Variants in OR51B5 observed in about 807,000 individuals in gnomAD.
OR51B5 encodes the protein olfactory receptor family 51 subfamily B member 5.
For synonymous variants in OR51B5, 186 were observed against 144.8 expected (o/e 1.28, Z -2.04); for missense variants, 456 against 374.6 (o/e 1.22, Z -1.79).
At chr11:5,423,338 G>A in intron 1 of OR51B5, 9 of 615,282 alleles carry the variant, frequency 1.5e-5, no homozygotes, top group Non-Finnish European at 2.4e-5. Context: ...ATGCAAAAGA[G>A]ATATGGATCT....
At chr11:5,488,872 A>C in intron 1 of OR51B5, 1 of 1,613,996 alleles carries the variant, frequency 6.2e-7, no homozygotes, top group Non-Finnish European at 8.5e-7. Flanking sequence ...TGCCATGGAC[A>C]ATGCTCTTCA....
chr11:5,394,700 A>G (rs2133734383), intron 1 of OR51B5, among the ~76,000 whole-genome samples: 2 of 152,364 alleles, frequency 1.3e-5, no homozygotes, highest in Middle Eastern at 6.8e-3. Flanking sequence ...ATGATAGTGC[A>G]GACATTAGTA....
At chr11:5,361,787 G>C (rs1849289191) in intron 1 of OR51B5, among the ~76,000 whole-genome samples, 1 of 152,036 alleles carries the variant, frequency 6.6e-6, no homozygotes, top group Admixed American at 6.6e-5. Context: ...AAATCCACGG[G>C]AATACAGAAT....
chr11:5,432,706 T>C (rs1012117182), intron 1 of OR51B5, among the ~76,000 whole-genome samples: 5 of 152,192 alleles, frequency 3.3e-5, no homozygotes, highest in African/African-American at 9.6e-5. Flanking sequence ...GTAAGATATT[T>C]TATTCTTAGA....
At chr11:5,437,000 CT>C (rs1225972767) in intron 1 of OR51B5, among the ~76,000 whole-genome samples, 3 of 152,208 alleles carry the variant, frequency 2.0e-5, no homozygotes, top group African/African-American at 7.2e-5. Flanking sequence ...GCCAGAGCCC[CT>C]GGGGTCCTGC....
intron 1 of OR51B5, among the ~76,000 whole-genome samples, chr11:5,382,408 A>G (rs1849622114): frequency 6.6e-6 from 1 of 152,156 alleles, no homozygotes; most frequent in Admixed American, 6.5e-5. Flanking sequence ...AAATATTAAT[A>G]TAATTGCCAT....
At chr11:5,357,352 A>G (rs1459060908) in intron 1 of OR51B5, among the ~76,000 whole-genome samples, 1 of 151,146 alleles carries the variant, frequency 6.6e-6, no homozygotes, top group Non-Finnish European at 1.5e-5. Context: ...CAGGCTTTAA[A>G]CCAACAAAGA....
chr11:5,447,644 C>T (rs779288293), intron 1 of OR51B5, among the ~76,000 whole-genome samples: 1 of 152,146 alleles, frequency 6.6e-6, no homozygotes, highest in Non-Finnish European at 1.5e-5. Flanking sequence ...CCTCTGCAAA[C>T]TGCATTCCTC....
chr11:5,397,073 A>C (rs1564799557), intron 1 of OR51B5, among the ~76,000 whole-genome samples: 1 of 152,226 alleles, frequency 6.6e-6, no homozygotes, highest in Non-Finnish European at 1.5e-5. Flanking sequence ...TTAAAGACTT[A>C]AATGTTAGAC....
intron 1 of OR51B5, among the ~76,000 whole-genome samples, chr11:5,457,909 A>C (rs1294997675): frequency 6.6e-6 from 1 of 152,092 alleles, no homozygotes; most frequent in African/African-American, 2.4e-5. Context: ...CCCATTCTGT[A>C]TGTTGTCTAT....
At chr11:5,496,410 C>A (rs565573097) in intron 1 of OR51B5, among the ~76,000 whole-genome samples, 1 of 152,384 alleles carries the variant, frequency 6.6e-6, no homozygotes, top group South Asian at 2.1e-4. Context: ...CTCAGAGATG[C>A]CCTTTCACCG....
chr11:5,408,633 A>G (rs959773710), intron 1 of OR51B5, among the ~76,000 whole-genome samples: 13 of 152,250 alleles, frequency 8.5e-5, no homozygotes, highest in African/African-American at 3.1e-4. Context: ...CAGAATGTCA[A>G]TAACATACAA....
intron 1 of OR51B5, among the ~76,000 whole-genome samples, chr11:5,440,250 T>C (rs377343731): frequency 6.6e-6 from 1 of 152,324 alleles, no homozygotes; most frequent in African/African-American, 2.4e-5. Context: ...CTGAACTTCA[T>C]TATTCCCGTA....
chr11:5,376,313 G>C (rs1849527279), intron 1 of OR51B5, among the ~76,000 whole-genome samples: 1 of 152,272 alleles, frequency 6.6e-6, no homozygotes, highest in Non-Finnish European at 1.5e-5. Context: ...ATTCGAATCA[G>C]TGTGTAGGGG....
At chr11:5,472,147 C>G (rs561209724) in intron 1 of OR51B5, among the ~76,000 whole-genome samples, 3 of 152,292 alleles carry the variant, frequency 2.0e-5, no homozygotes, top group Non-Finnish European at 4.4e-5. Context: ...TGTACACGCT[C>G]AGAACCACAC....
chr11:5,399,427 G>C (rs1849933497), intron 1 of OR51B5, among the ~76,000 whole-genome samples: 1 of 152,180 alleles, frequency 6.6e-6, no homozygotes, highest in Non-Finnish European at 1.5e-5. Context: ...GCCAGTCCCT[G>C]AGGTAAGTAT....
At chr11:5,393,303 TAAATC>T (rs899773365) in intron 1 of OR51B5, 6 of 152,188 alleles carry the variant, frequency 3.9e-5, no homozygotes, top group East Asian at 1.9e-4. Context: ...AAATATTACA[TAAATC>T]AAAGCATATT....
chr11:5,415,411 G>A (rs1307028513), intron 1 of OR51B5, among the ~76,000 whole-genome samples: 1 of 150,824 alleles, frequency 6.6e-6, no homozygotes, highest in Non-Finnish European at 1.5e-5. Flanking sequence ...CAGAAGGCAA[G>A]AAATAACTAA....
At chr11:5,348,103 T>G (rs910824295), upstream of OR51B5, among the ~76,000 whole-genome samples, 1 of 151,986 alleles carries the variant, frequency 6.6e-6, no homozygotes, top group East Asian at 1.9e-4. Context: ...AAAGTAATAG[T>G]GTTGTCTGCT....
Sources: gnomAD v4.1 joint callset for allele counts (sites outside exome capture counted in the v4.1 genomes callset) on GRCh38, gnomAD v4.1.1 for gene constraint, MANE v1.5 for transcripts, NCBI Gene and HGNC (gene_info 2026-07-23, HGNC 2026-07-21) for gene names.